Variants in INSC observed in about 807,000 individuals in gnomAD.
INSC encodes INSC spindle orientation adaptor protein.
In INSC, 67 loss-of-function variants were observed where a neutral mutation model predicts 58.6. The ratio of observed to expected loss-of-function variants is 1.14; its 90% CI spans 0.94 to 1.40. The LOEUF is 1.40. INSC is among the 40% of genes most tolerant of loss of function. The pLI is 0.00. For missense variants in INSC, 714 were observed against 692.0 expected (o/e 1.03, Z -0.36); for synonymous variants, 262 against 276.1 (o/e 0.95, Z 0.51).
At chr11:15,198,924 A>C (rs1850473320) in intron 6 of INSC, among the ~76,000 whole-genome samples, 1 of 152,130 alleles carries the variant, frequency 6.6e-6, no homozygotes, top group Non-Finnish European at 1.5e-5. Flanking sequence ...CTCATGCCAG[A>C]CATTTTTACT....
chr11:15,191,565 G>C (rs905756121), intron 6 of INSC, among the ~76,000 whole-genome samples: 3 of 152,120 alleles, frequency 2.0e-5, no homozygotes, highest in African/African-American at 7.2e-5. Context: ...TAAGACATGG[G>C]ATGTCTCAAA....
At chr11:15,227,352 A>G (rs1851680666) in intron 9 of INSC, among the ~76,000 whole-genome samples, 1 of 152,182 alleles carries the variant, frequency 6.6e-6, no homozygotes, top group Non-Finnish European at 1.5e-5. Flanking sequence ...TAATTGGGAC[A>G]TGAATGTCTA....
chr11:15,162,976 G>T (rs1408164004), intron 2 of INSC, among the ~76,000 whole-genome samples: 1 of 152,054 alleles, frequency 6.6e-6, no homozygotes, highest in Non-Finnish European at 1.5e-5. Context: ...AAAAAATCTG[G>T]TTCTCATCTC....
At chr11:15,237,059 T>C (rs1159959160) in intron 10 of INSC, among the ~76,000 whole-genome samples, 3 of 152,162 alleles carry the variant, frequency 2.0e-5, no homozygotes, top group Non-Finnish European at 4.4e-5. Flanking sequence ...CTGGCATCTG[T>C]AGAGGGTTTT....
intron 5 of INSC, among the ~76,000 whole-genome samples, chr11:15,180,684 A>AG (rs375510258): frequency 0.5 from 19,898 of 39,588 alleles, 3,552 homozygotes; most frequent in Non-Finnish European, 0.61. Context: ...GGTAGGAGTG[A>AG]GGGGGGGGGC....
intron 2 of INSC, among the ~76,000 whole-genome samples, chr11:15,149,951 A>G (rs935875473): frequency 2.3e-4 from 35 of 152,216 alleles, no homozygotes; most frequent in Non-Finnish European, 7.3e-5. Flanking sequence ...TTTCTAACTG[A>G]TCTTGCACAG....
At chr11:15,223,746 T>G (rs1851531895) in intron 8 of INSC, among the ~76,000 whole-genome samples, 1 of 152,210 alleles carries the variant, frequency 6.6e-6, no homozygotes, top group African/African-American at 2.4e-5. Context: ...GGGACTCCAG[T>G]GATTTTCCCA....
the INSC span, among the ~76,000 whole-genome samples, chr11:15,258,429 G>A: frequency 1.3e-5 from 2 of 152,160 alleles, no homozygotes; most frequent in African/African-American, 2.4e-5. Context: ...TCCCTTGAAG[G>A]TTCTTTATAA....
intron 6 of INSC, among the ~76,000 whole-genome samples, chr11:15,196,423 C>T (rs4757297): frequency 0.23 from 35,159 of 152,174 alleles, 5,324 homozygotes; most frequent in Non-Finnish European, 0.34. Flanking sequence ...GTGCTATTTC[C>T]ATTTCACCAG....
chr11:15,264,931 T>C, the INSC span, among the ~76,000 whole-genome samples: 4 of 152,048 alleles, frequency 2.6e-5, no homozygotes, highest in Non-Finnish European at 5.9e-5. Flanking sequence ...TTTTCAAGAA[T>C]AAAGGGAGAA....
At chr11:15,184,280 CTAATT>C (rs1233292089) in intron 5 of INSC, 2 of 152,136 alleles carry the variant, frequency 1.3e-5, no homozygotes, top group African/African-American at 4.9e-5. Flanking sequence ...TATTTTAGGT[CTAATT>C]TATTTTAATA....
chr11:15,210,397 C>T (rs1368193854), intron 7 of INSC, among the ~76,000 whole-genome samples: 1 of 151,996 alleles, frequency 6.6e-6, no homozygotes, highest in South Asian at 2.1e-4. Context: ...TACAGACATG[C>T]CTGTTCTGTG....
chr11:15,230,026 A>AT (rs1347214825), intron 9 of INSC, among the ~76,000 whole-genome samples: 2 of 68,950 alleles, frequency 2.9e-5, no homozygotes, highest in Admixed American at 2.1e-4. Flanking sequence ...ATATATATAT[A>AT]TATATATATA....
intron 2 of INSC, among the ~76,000 whole-genome samples, chr11:15,154,942 A>G (rs2133765441): frequency 6.6e-6 from 1 of 152,294 alleles, no homozygotes; most frequent in Non-Finnish European, 1.5e-5. Flanking sequence ...TGGGATGGAC[A>G]TTTCAAGGCA....
At chr11:15,254,919 C>A in the INSC span, among the ~76,000 whole-genome samples, 1 of 152,210 alleles carries the variant, frequency 6.6e-6, no homozygotes, top group Non-Finnish European at 1.5e-5. Flanking sequence ...CAAGAAATAA[C>A]ACGTACTATT....
At chr11:15,217,563 T>C (rs976337094) in intron 7 of INSC, among the ~76,000 whole-genome samples, 6 of 152,114 alleles carry the variant, frequency 3.9e-5, no homozygotes, top group African/African-American at 1.4e-4. Context: ...AGTGGCCTCA[T>C]ACTATGGTGA....
the INSC span, among the ~76,000 whole-genome samples, chr11:15,266,582 A>C: frequency 1.3e-5 from 2 of 152,010 alleles, no homozygotes; most frequent in African/African-American, 4.8e-5. Flanking sequence ...TCCTGTGTCC[A>C]AATTAGAAGC....
intron 2 of INSC, among the ~76,000 whole-genome samples, chr11:15,156,537 G>C (rs757636129): frequency 6.6e-6 from 1 of 152,222 alleles, no homozygotes; most frequent in Admixed American, 6.5e-5. Context: ...GGATTGTTTT[G>C]AGGGTTAATT....
chr11:15,191,231 G>A (rs546325399), intron 6 of INSC, among the ~76,000 whole-genome samples: 47 of 152,104 alleles, frequency 3.1e-4, no homozygotes, highest in Non-Finnish European at 4.6e-4. Flanking sequence ...CGCCTGCCTC[G>A]GCCTCCCAAA....
Sources: gnomAD v4.1 joint callset for allele counts (sites outside exome capture counted in the v4.1 genomes callset) on GRCh38, gnomAD v4.1.1 for gene constraint, MANE v1.5 for transcripts, NCBI Gene and HGNC (gene_info 2026-07-23, HGNC 2026-07-21) for gene names.